ZNF423: variants seen among roughly 807,000 people sequenced by gnomAD.
The protein encoded by ZNF423 is Ebf-associated zinc finger protein.
In ZNF423, 12 loss-of-function variants were observed where a neutral mutation model predicts 95.8. The observed-to-expected ratio is 0.13, with a 90% confidence interval of 0.08 to 0.20. The LOEUF (loss-of-function observed/expected upper bound fraction) is 0.20. Ranked by LOEUF, ZNF423 falls within the 10% of genes least tolerant of loss-of-function variation. The pLI is 1.00. For missense variants in ZNF423, 1,316 were observed against 1,737.1 expected (o/e 0.76, Z 4.31); for synonymous variants, 749 against 711.9 (o/e 1.05, Z -0.83).
intron 3 of ZNF423, among the ~76,000 whole-genome samples, chr16:49,719,551 C>A (rs1425669201): frequency 6.6e-6 from 1 of 152,094 alleles, no homozygotes; most frequent in African/African-American, 2.4e-5. Context: ...GGGGAAGGGG[C>A]CTGGTGAGAG....
At chr16:49,700,581 C>T (rs967092634) in intron 3 of ZNF423, among the ~76,000 whole-genome samples, 95 of 152,204 alleles carry the variant, frequency 6.2e-4, no homozygotes, top group African/African-American at 2.2e-3. Flanking sequence ...GAAAGGGATC[C>T]TGCAACTCAC....
At chr16:49,773,090 G>A (rs551268212) in intron 2 of ZNF423, among the ~76,000 whole-genome samples, 16 of 152,198 alleles carry the variant, frequency 1.1e-4, no homozygotes, top group South Asian at 4.1e-4. Context: ...AGGCCTAGGC[G>A]AGTGGATCAC....
intron 4 of ZNF423, among the ~76,000 whole-genome samples, chr16:49,633,500 T>A (rs1167930760): frequency 6.6e-6 from 1 of 152,108 alleles, no homozygotes; most frequent in Non-Finnish European, 1.5e-5. Context: ...CAGGAGAGAC[T>A]CTATTACTAT....
chr16:49,607,462 G>A (rs1046533558), intron 5 of ZNF423, among the ~76,000 whole-genome samples: 1 of 152,260 alleles, frequency 6.6e-6, no homozygotes, highest in Admixed American at 6.5e-5. Context: ...CTAATCCTAA[G>A]CCAGATTCTG....
intron 5 of ZNF423, among the ~76,000 whole-genome samples, chr16:49,573,795 C>A (rs924767766): frequency 6.6e-6 from 1 of 152,166 alleles, no homozygotes; most frequent in African/African-American, 2.4e-5. Context: ...ATCAAGAGAC[C>A]CAGCTGATTA....
At chr16:49,683,094 C>T (rs901222509) in intron 3 of ZNF423, among the ~76,000 whole-genome samples, 1 of 152,192 alleles carries the variant, frequency 6.6e-6, no homozygotes, top group Non-Finnish European at 1.5e-5. Context: ...CTGTATTTCT[C>T]CCCAGTAATA....
chr16:49,553,507 G>A (rs539004898), intron 5 of ZNF423, among the ~76,000 whole-genome samples: 4 of 151,958 alleles, frequency 2.6e-5, no homozygotes, highest in South Asian at 4.2e-4. Flanking sequence ...CCACCCCCAC[G>A]GGCTATTTTT....
chr16:49,686,774 C>T (rs1448344045), intron 3 of ZNF423, among the ~76,000 whole-genome samples: 1 of 152,162 alleles, frequency 6.6e-6, no homozygotes, highest in African/African-American at 2.4e-5. Context: ...AATCTAGAAG[C>T]CATGGACAGG....
intron 7 of ZNF423, among the ~76,000 whole-genome samples, chr16:49,515,191 A>T (rs1305674258): frequency 2.0e-5 from 3 of 152,250 alleles, no homozygotes; most frequent in African/African-American, 7.2e-5. Context: ...CTCGAGCTGC[A>T]GCCTGGCAAA....
chr16:49,733,978 C>T (rs556208012), intron 2 of ZNF423, among the ~76,000 whole-genome samples: 11 of 151,862 alleles, frequency 7.2e-5, no homozygotes, highest in Non-Finnish European at 1.5e-4. Flanking sequence ...CTCTGCAAGG[C>T]CACCCAAAGC....
chr16:49,504,900 G>A (rs1218534321), intron 7 of ZNF423, among the ~76,000 whole-genome samples: 1 of 152,186 alleles, frequency 6.6e-6, no homozygotes, highest in African/African-American at 2.4e-5. Context: ...TTCCCCTATG[G>A]AAAGGCCTCA....
intron 1 of ZNF423, among the ~76,000 whole-genome samples, chr16:49,820,026 G>GTGGATGGATGGA (rs111486773): frequency 1.5e-4 from 23 of 150,590 alleles, no homozygotes; most frequent in East Asian, 1.2e-3. Flanking sequence ...TGTTGAATAG[G>GTGGATGGATGGA]TGGATGGATG....
chr16:49,494,933 C>A (rs1042527021), intron 7 of ZNF423, among the ~76,000 whole-genome samples: 2 of 150,940 alleles, frequency 1.3e-5, no homozygotes, highest in African/African-American at 4.9e-5. Flanking sequence ...GCCTTAATGT[C>A]TCTTTCTCTG....
At chr16:49,528,612 G>A (rs896375517) in intron 5 of ZNF423, among the ~76,000 whole-genome samples, 24 of 152,190 alleles carry the variant, frequency 1.6e-4, no homozygotes, top group African/African-American at 4.8e-4. Context: ...AAGGGTTCCC[G>A]CAGAGCTGGG....
At position 49,765,396 on chromosome 16, in the gene ZNF423, T is replaced by G. The variant is rs111886322; in HGVS notation, c.100+24091A>C. 6.6e-5 allele frequency among the ~76,000 whole-genome samples: 10 copies of G among 152,278 alleles called. 1 individual carries two copies. Among genetic ancestry groups the G allele is most frequent in the African/African-American group, 2.4e-4 (10 of 41,548 alleles). ...AATGGTTAAAATGATAAATTTCATG[T>G]GACATATATTTTACTATAATAAAAA... On this transcript the variant is annotated intron_variant, in intron 2 of 7. Coordinates refer to ENST00000563137, the MANE Select transcript of ZNF423 (RefSeq NM_001379286.1).
Position 49,697,681 on chromosome 16 carries a change from C to G in ZNF423, c.301+33090G>C, listed in dbSNP as rs563393705. ...AACAGGACTGGCCCAGGAAGCAGTA[C>G]CCTGGACCGTGCAGTGGGATGGGCA... On this transcript the variant is annotated intron_variant, in intron 3 of 7. Transcript: ENST00000563137. Among the ~76,000 whole-genome samples the G allele has an allele frequency of 7.9e-5, 12 of 152,342 alleles. No individual in the cohort carries two copies. In the South Asian group the frequency reaches 2.5e-3, roughly 32 times the overall value.
chr16:49,853,726 G>A (rs2035326921), intron 1 of ZNF423: 3 of 985,304 alleles, frequency 3.0e-6, no homozygotes, highest in Non-Finnish European at 3.6e-6. Flanking sequence ...ACCAATTCTT[G>A]AGTCCTTCTC....
At chr16:49,714,497 A>C (rs1368847499) in intron 3 of ZNF423, among the ~76,000 whole-genome samples, 1 of 151,980 alleles carries the variant, frequency 6.6e-6, no homozygotes, top group East Asian at 1.9e-4. Context: ...TCTCTACTAA[A>C]AATACAAAAA....
chr16:49,549,334 A>AC (rs577901982), intron 5 of ZNF423, among the ~76,000 whole-genome samples: 225 of 152,054 alleles, frequency 1.5e-3, no homozygotes, highest in African/African-American at 4.4e-3. Context: ...CCCTGCCTGC[A>AC]CCCCCCAGAG....
Sources: gnomAD v4.1 joint callset for allele counts (sites outside exome capture counted in the v4.1 genomes callset) on GRCh38, gnomAD v4.1.1 for gene constraint, MANE v1.5 for transcripts, NCBI Gene and HGNC (gene_info 2026-07-23, HGNC 2026-07-21) for gene names.